The following PLSCR2 variants were observed in gnomAD, a reference collection of about 807,000 sequenced individuals.
PLSCR2 encodes the protein phospholipid scramblase 2.
In PLSCR2, 18 loss-of-function variants were observed where a neutral mutation model predicts 25.3. The observed-to-expected ratio is 0.71, with a 90% CI of 0.49 to 1.06. The LOEUF is 1.06. Ranked by LOEUF, PLSCR2 falls within the 50% of genes least tolerant of loss-of-function variation. The pLI, the probability that PLSCR2 is intolerant of heterozygous loss-of-function variation, is 0.00. For missense variants in PLSCR2, 243 were observed against 269.5 expected, an observed-to-expected ratio of 0.90 and a Z score of 0.69; for synonymous variants, 88 against 87.3, an observed-to-expected ratio of 1.01 and a Z score of -0.04.
chr3:146,469,066 A>G (rs1024248084), intron 1 of PLSCR2: 20 of 932,208 alleles, frequency 2.1e-5, no homozygotes, highest in Non-Finnish European at 2.4e-5. Flanking sequence ...AGGGCCTAGC[A>G]TAGACGTGGG....
intron 1 of PLSCR2, among the ~76,000 whole-genome samples, chr3:146,480,429 A>G (rs1276172015): frequency 6.6e-6 from 1 of 152,204 alleles, no homozygotes; most frequent in Non-Finnish European, 1.5e-5. Context: ...CCACAGAAAT[A>G]CAAACTACCA....
At chr3:146,422,759 C>T (rs1319168402) in intron 2 of PLSCR2, among the ~76,000 whole-genome samples, 1 of 152,030 alleles carries the variant, frequency 6.6e-6, no homozygotes, top group Admixed American at 6.6e-5. Context: ...AAATTTCTCC[C>T]AAGACCTTCC....
At chr3:146,425,840 G>A (rs990699810) in intron 2 of PLSCR2, among the ~76,000 whole-genome samples, 26 of 152,102 alleles carry the variant, frequency 1.7e-4, no homozygotes, top group African/African-American at 6.0e-4. Context: ...TTTGAAACTG[G>A]AGAAAAGTGG....
intron 1 of PLSCR2, among the ~76,000 whole-genome samples, chr3:146,466,434 G>A (rs1408123364): frequency 2.6e-5 from 4 of 152,152 alleles, no homozygotes; most frequent in African/African-American, 9.7e-5. Flanking sequence ...CTCCCAAAGC[G>A]CTGGGATTAC....
chr3:146,427,710 C>T (rs2039405706), intron 2 of PLSCR2, among the ~76,000 whole-genome samples: 1 of 152,180 alleles, frequency 6.6e-6, no homozygotes, highest in African/African-American at 2.4e-5. Flanking sequence ...GGAAGAATTT[C>T]ATTAAAATTG....
chr3:146,435,624 A>AT (rs1476018547), intron 8 of PLSCR2, among the ~76,000 whole-genome samples: 4 of 151,492 alleles, frequency 2.6e-5, no homozygotes, highest in African/African-American at 9.7e-5. Flanking sequence ...GGATTGTTTG[A>AT]TTTTTTCTTG....
At chr3:146,485,286 A>C (rs1449548226) in intron 1 of PLSCR2, among the ~76,000 whole-genome samples, 2 of 152,102 alleles carry the variant, frequency 1.3e-5, no homozygotes, top group African/African-American at 2.4e-5. Context: ...ACAGGAGAAC[A>C]CAGATTCATA....
In PLSCR2 at chr3:146,469,788, A is replaced by T. The variant is rs5853276; in HGVS notation, c.-292-9504T>A. On this transcript the variant is annotated intron_variant, in intron 1 of 8. Coordinates refer to the PLSCR2 transcript ENST00000336685. ...GGGGCGCGACTGCACCCACCCCCCC[A>T]CGCCGTGTGCGACGCGCAGCTGCCG... Among the ~76,000 whole-genome samples the T allele has an allele frequency of 6.1e-5, 7 of 114,782 alleles. No homozygotes were observed. In the South Asian group the frequency reaches 9.3e-4, roughly 15 times the overall value. 75.3% of individuals were successfully genotyped at this position (114,782 alleles called of 152,430 possible).
intron 3 of PLSCR2, among the ~76,000 whole-genome samples, chr3:146,392,688 G>A (rs995686080): frequency 4.6e-5 from 7 of 151,220 alleles, no homozygotes; most frequent in Non-Finnish European, 1.0e-4. Flanking sequence ...GGTTTTATGG[G>A]GTACACACAT....
At chr3:146,473,005 C>T (rs373187255) in intron 1 of PLSCR2, among the ~76,000 whole-genome samples, 1 of 152,180 alleles carries the variant, frequency 6.6e-6, no homozygotes, top group African/African-American at 2.4e-5. Flanking sequence ...CTGATCCCAT[C>T]ATAGAATTTT....
At chr3:146,408,688 G>A (rs2038738795) in intron 2 of PLSCR2, among the ~76,000 whole-genome samples, 1 of 152,052 alleles carries the variant, frequency 6.6e-6, no homozygotes, top group African/African-American at 2.4e-5. Context: ...GGGGCTCCCA[G>A]GTCAAAAGGG....
At chr3:146,481,495 TA>T (rs2043128687) in intron 1 of PLSCR2, among the ~76,000 whole-genome samples, 1 of 152,108 alleles carries the variant, frequency 6.6e-6, no homozygotes, top group African/African-American at 2.4e-5. Flanking sequence ...ACAAACAGAA[TA>T]AAATACCTGG....
chr3:146,425,276 T>C (rs1448401482), intron 2 of PLSCR2, among the ~76,000 whole-genome samples: 7 of 152,114 alleles, frequency 4.6e-5, no homozygotes, highest in African/African-American at 1.7e-4. Context: ...CTACCACATT[T>C]CTGGAAGAGT....
intron 5 of PLSCR2, among the ~76,000 whole-genome samples, chr3:146,452,273 T>TA (rs1006252159): frequency 8.6e-5 from 13 of 150,616 alleles, no homozygotes; most frequent in African/African-American, 1.5e-4. Flanking sequence ...GAAGTATGAG[T>TA]AAAAAAAAAG....
chr3:146,424,066 T>C (rs2039251661), intron 2 of PLSCR2, among the ~76,000 whole-genome samples: 1 of 151,736 alleles, frequency 6.6e-6, no homozygotes, highest in African/African-American at 2.4e-5. Context: ...CAAACCACCA[T>C]GGCACGTGTA....
chr3:146,400,621 T>C (rs1031398957), intron 2 of PLSCR2, among the ~76,000 whole-genome samples: 2 of 151,338 alleles, frequency 1.3e-5, no homozygotes, highest in African/African-American at 4.8e-5. Context: ...TGATAGGTTT[T>C]TTTTTTGTAA....
At chr3:146,488,880 C>T (rs2043442674) in intron 1 of PLSCR2, among the ~76,000 whole-genome samples, 1 of 152,022 alleles carries the variant, frequency 6.6e-6, no homozygotes, top group Non-Finnish European at 1.5e-5. Flanking sequence ...ATGTTAATTG[C>T]AGCACTATTC....
At position 146,419,295 on chromosome 3, in the gene PLSCR2, C is replaced by T. The variant is rs1241401531; in HGVS notation, c.101-23374G>A. On this transcript the variant is annotated intron_variant and NMD_transcript_variant, in intron 2 of 3. Coordinates refer to the PLSCR2 transcript ENST00000463633. ...AAAAGAATACAGTTTCTTCATGTTT[C>T]CTATAACTTCCTTCTGAGCTCTCAC... 2.6e-5 allele frequency among the ~76,000 whole-genome samples: 4 copies of T among 152,196 alleles called. No homozygotes were observed. In the East Asian group the frequency reaches 7.7e-4, roughly 29 times the overall value.
intron 1 of PLSCR2, among the ~76,000 whole-genome samples, chr3:146,487,762 A>G (rs1447724693): frequency 6.6e-6 from 1 of 152,186 alleles, no homozygotes; most frequent in African/African-American, 2.4e-5. Flanking sequence ...TAATTTATAA[A>G]TTTAATGCTA....
Sources: allele counts gnomAD v4.1 joint callset (sites outside exome capture counted in the v4.1 genomes callset), GRCh38; gene constraint gnomAD v4.1.1; transcripts MANE v1.5; gene names NCBI Gene and HGNC (gene_info 2026-07-23, HGNC 2026-07-21).